Variants in CCDC88C observed in about 807,000 individuals in gnomAD.
CCDC88C encodes protein Daple.
In CCDC88C, 131 loss-of-function variants were observed where a neutral mutation model predicts 198.8. That is an observed-to-expected ratio of 0.66 (90% CI 0.57 to 0.76). CCDC88C has a LOEUF of 0.76. CCDC88C is among the 30% of genes least tolerant of loss of function. CCDC88C has a pLI of 0.00. For synonymous variants in CCDC88C, 1,166 were observed against 1,114.7 expected (o/e 1.05, Z -0.92); for missense variants, 2,553 against 2,631.6 (o/e 0.97, Z 0.65).
chr14:91,367,739 G>A (rs1894607569), intron 3 of CCDC88C, among the ~76,000 whole-genome samples: 1 of 152,148 alleles, frequency 6.6e-6, no homozygotes, highest in African/African-American at 2.4e-5. Context: ...ACAGAGCCAG[G>A]AAATGTATTA....
At chr14:91,326,836 G>C (rs1157356251) in intron 10 of CCDC88C, among the ~76,000 whole-genome samples, 1 of 152,180 alleles carries the variant, frequency 6.6e-6, no homozygotes, top group Non-Finnish European at 1.5e-5. Context: ...AACACTCTTA[G>C]ATAACAAAAG....
At chr14:91,403,306 C>G (rs889328599) in intron 3 of CCDC88C, among the ~76,000 whole-genome samples, 2 of 152,196 alleles carry the variant, frequency 1.3e-5, no homozygotes, top group Admixed American at 1.3e-4. Context: ...ACATACGTCT[C>G]CAACAACACA....
chr14:91,402,295 C>CA (rs1358136080), intron 3 of CCDC88C, among the ~76,000 whole-genome samples: 1 of 151,924 alleles, frequency 6.6e-6, no homozygotes, highest in Non-Finnish European at 1.5e-5. Flanking sequence ...ACAACAACAA[C>CA]AAAAAAACAC....
intron 10 of CCDC88C, among the ~76,000 whole-genome samples, chr14:91,330,022 C>T (rs1022013225): frequency 2.0e-5 from 3 of 152,238 alleles, no homozygotes; most frequent in Admixed American, 2.0e-4. Flanking sequence ...CAACTGTGTT[C>T]ATAAAAACTC....
chr14:91,395,875 C>T (rs1885808946), intron 3 of CCDC88C, among the ~76,000 whole-genome samples: 1 of 152,172 alleles, frequency 6.6e-6, no homozygotes, highest in Non-Finnish European at 1.5e-5. Flanking sequence ...TGGAACGTGG[C>T]AGCCTTGACT....
intron 3 of CCDC88C, among the ~76,000 whole-genome samples, chr14:91,373,959 G>T (rs1894956247): frequency 6.6e-6 from 1 of 152,186 alleles, no homozygotes; most frequent in Non-Finnish European, 1.5e-5. Context: ...AGTGCCCCCA[G>T]GCCCCTCTCT....
chr14:91,361,535 G>C (rs1894305847), intron 3 of CCDC88C, among the ~76,000 whole-genome samples: 1 of 152,122 alleles, frequency 6.6e-6, no homozygotes, highest in Non-Finnish European at 1.5e-5. Context: ...TGCAGGAGGG[G>C]ATGTTAAACC....
intron 3 of CCDC88C, among the ~76,000 whole-genome samples, chr14:91,393,772 T>C (rs1885668154): frequency 1.3e-5 from 2 of 152,298 alleles, no homozygotes; most frequent in East Asian, 3.9e-4. Flanking sequence ...GAGAATTGCT[T>C]GAACCTGGGA....
intron 2 of CCDC88C, 51 bp from the exon 3 acceptor site, chr14:91,408,818 A>G: frequency 8.1e-7 from 1 of 1,227,398 alleles, no homozygotes; most frequent in Non-Finnish European, 1.2e-6. Flanking sequence ...CAGCTGCCAC[A>G]CTTCCTTTCC....
rs541654970 is a variant in CCDC88C at position 91,366,979 on chromosome 14, G to A, written c.271-7268C>T. On this transcript the variant is annotated intron_variant, in intron 3 of 29. Coordinates refer to ENST00000389857, the MANE Select transcript of CCDC88C (RefSeq NM_001080414.4). The stretch of plus-strand genomic sequence containing the variant: ...TTACAGTCCTGGGAAAGATGCAGGT[G>A]GAAACACCGTTCTGTGCATGTGGCA... 6.6e-5 allele frequency among the ~76,000 whole-genome samples: 10 copies of A among 152,292 alleles called. No individual in the cohort carries two copies. In the South Asian group the frequency reaches 2.1e-3, roughly 32 times the overall value.
intron 4 of CCDC88C, among the ~76,000 whole-genome samples, chr14:91,347,762 G>A (rs1893611501): frequency 6.6e-6 from 1 of 152,226 alleles, no homozygotes; most frequent in African/African-American, 2.4e-5. Context: ...CAACCCTTGT[G>A]GAAGTCAGTG....
At chr14:91,351,879 C>A (rs889114672) in intron 4 of CCDC88C, among the ~76,000 whole-genome samples, 1 of 152,100 alleles carries the variant, frequency 6.6e-6, no homozygotes, top group African/African-American at 2.4e-5. Flanking sequence ...AAATATCAGC[C>A]CCTCGGAGCA....
At chr14:91,417,385 G>C (rs1282604280) in intron 1 of CCDC88C, 9 of 582,922 alleles carry the variant, frequency 1.5e-5, no homozygotes, top group Non-Finnish European at 2.4e-5. Context: ...GTACCCGCCC[G>C]GCTCCTGGCC....
At chr14:91,399,926 G>A (rs531735737) in intron 3 of CCDC88C, among the ~76,000 whole-genome samples, 4 of 149,668 alleles carry the variant, frequency 2.7e-5, no homozygotes, top group East Asian at 2.0e-4. Flanking sequence ...CCCCATACCC[G>A]CAAGAGACGC....
At chr14:91,280,076 G>C (rs1414399055) in intron 27 of CCDC88C, 1 of 152,288 alleles carries the variant, frequency 6.6e-6, no homozygotes, top group African/African-American at 2.4e-5. Context: ...CCCTTCCAGG[G>C]CCTGCACACC....
Position 91,273,151 on chromosome 14 carries a change from TG to T in CCDC88C, c.5560del (p.His1854IlefsTer211). 6.3e-7 allele frequency: 1 copy of T among 1,581,274 alleles called. No individual in the cohort carries two copies. Among genetic ancestry groups the T allele is most frequent in the Non-Finnish European group, 8.6e-7 (1 of 1,164,018 alleles). ...TGGGGTCCGCTCCCGGGCCAGGCTA[TG>T]GGAGCTGGGGGGTGCGGGGCTTTGC... ...TLQSPAPPSS[H>X]SLARERTPLV... is the part of the protein sequence containing the mutation. On this transcript the variant is annotated frameshift_variant, in exon 30 of 30. Transcript: ENST00000389857. LOFTEE classifies it low-confidence loss of function (END_TRUNC). The surrounding 1 kb of genome is among the most constrained non-coding windows in gnomAD (Gnocchi z 5.6).
chr14:91,280,033 G>C (rs1211574199), intron 27 of CCDC88C: 2 of 152,314 alleles, frequency 1.3e-5, no homozygotes, highest in Non-Finnish European at 2.9e-5. Flanking sequence ...CTTTCAGGAA[G>C]GCTGGCACCA....
At chr14:91,374,865 T>C in intron 3 of CCDC88C, among the ~76,000 whole-genome samples, 1 of 152,122 alleles carries the variant, frequency 6.6e-6, no homozygotes, top group East Asian at 1.9e-4. Context: ...TTGAGAAGGA[T>C]TCTGAGGCCA....
At chr14:91,311,139 G>T (rs1352821367) in intron 15 of CCDC88C, among the ~76,000 whole-genome samples, 1 of 152,224 alleles carries the variant, frequency 6.6e-6, no homozygotes, top group Non-Finnish European at 1.5e-5. Flanking sequence ...GGGTCAAGCA[G>T]AGGACAGACT....
Sources: gnomAD v4.1 joint callset for allele counts (sites outside exome capture counted in the v4.1 genomes callset) on GRCh38, gnomAD v4.1.1 for gene constraint, Gnocchi (gnomAD v3.1) non-coding constraint, MANE v1.5 for transcripts, NCBI Gene and HGNC (gene_info 2026-07-23, HGNC 2026-07-21) for gene names.